The following GPR19 variants were observed in gnomAD, a reference collection of about 807,000 sequenced individuals.
GPR19 encodes the protein probable G protein-coupled receptor 19.
Under a neutral mutation model 28.5 loss-of-function variants are expected in GPR19, and 14 were observed. That is an observed-to-expected ratio of 0.49 (90% confidence interval 0.32 to 0.77). GPR19 has a LOEUF of 0.77. GPR19 is among the 30% of genes least tolerant of loss of function. The probability of loss-of-function intolerance (pLI) is 0.03; values close to 1 mark genes in which losing one functional copy is unlikely to be tolerated. For missense variants in GPR19, 409 were observed against 504.1 expected (o/e 0.81, Z 1.81); for synonymous variants, 173 against 184.1 (o/e 0.94, Z 0.49).
At chr12:12,683,733 C>T (rs1439665735) in intron 3 of GPR19, among the ~76,000 whole-genome samples, 1 of 152,208 alleles carries the variant, frequency 6.6e-6, no homozygotes, top group African/African-American at 2.4e-5. Flanking sequence ...AATTTGAGTT[C>T]ACGGCTGATT....
chr12:12,675,676 A>C (rs1945920730), intron 3 of GPR19, among the ~76,000 whole-genome samples: 2 of 152,164 alleles, frequency 1.3e-5, no homozygotes, highest in Admixed American at 6.5e-5. Flanking sequence ...TCTGAGATGC[A>C]GGGGCCCACA....
intron 3 of GPR19, among the ~76,000 whole-genome samples, chr12:12,678,265 ATTG>A (rs140523318): frequency 0.014 from 2,072 of 152,112 alleles, 37 homozygotes; most frequent in African/African-American, 0.048. Flanking sequence ...TGAAAAAAAT[ATTG>A]TTATGTATAT....
At chr12:12,701,023 T>C (rs2136343377), upstream of GPR19, among the ~76,000 whole-genome samples, 1 of 152,328 alleles carries the variant, frequency 6.6e-6, no homozygotes, top group East Asian at 1.9e-4. Context: ...CCCTTGAGGG[T>C]ATTAATTCCA....
intron 3 of GPR19, among the ~76,000 whole-genome samples, chr12:12,669,724 C>A (rs1488053295): frequency 6.6e-6 from 1 of 152,150 alleles, no homozygotes; most frequent in East Asian, 1.9e-4. Context: ...TAAACATTTA[C>A]CCGCACACCA....
At chr12:12,681,642 G>A (rs1382258050) in intron 3 of GPR19, among the ~76,000 whole-genome samples, 2 of 152,176 alleles carry the variant, frequency 1.3e-5, no homozygotes, top group Admixed American at 1.3e-4. Flanking sequence ...CTTCCGTCAG[G>A]GCTGTTGTCT....
At chr12:12,665,763 G>A (rs1945763957) in intron 3 of GPR19, among the ~76,000 whole-genome samples, 1 of 130,756 alleles carries the variant, frequency 7.6e-6, no homozygotes, top group South Asian at 2.6e-4. Context: ...CGTGAACCCG[G>A]GAGGCGGAGC....
intron 3 of GPR19, among the ~76,000 whole-genome samples, chr12:12,665,109 A>G (rs73279494): frequency 0.031 from 4,714 of 152,238 alleles, 251 homozygotes; most frequent in African/African-American, 0.11. Context: ...AAACTAAAAC[A>G]GACAATTTCC....
chr12:12,679,835 A>G (rs1945992070), intron 3 of GPR19, among the ~76,000 whole-genome samples: 1 of 152,190 alleles, frequency 6.6e-6, no homozygotes, highest in Non-Finnish European at 1.5e-5. Context: ...AAATTATTTT[A>G]CATGTTTGTG....
the GPR19 span, among the ~76,000 whole-genome samples, chr12:12,713,353 C>T: frequency 1.3e-5 from 2 of 152,134 alleles, no homozygotes; most frequent in Admixed American, 6.5e-5. Context: ...GCGTGAGCAC[C>T]GTGCCCAGCC....
At chr12:12,678,456 T>C (rs1357583296) in intron 3 of GPR19, among the ~76,000 whole-genome samples, 1 of 152,180 alleles carries the variant, frequency 6.6e-6, no homozygotes, top group Non-Finnish European at 1.5e-5. Context: ...GCTAAGGTGC[T>C]TGGCACAGAG....
the GPR19 span, chr12:12,715,698 A>C: frequency 6.6e-6 from 1 of 152,392 alleles, no homozygotes; most frequent in Non-Finnish European, 1.5e-5. Flanking sequence ...AAAGGAACAG[A>C]AAATGAACCA....
intron 3 of GPR19, among the ~76,000 whole-genome samples, chr12:12,672,406 A>G (rs1362150010): frequency 6.6e-6 from 1 of 152,162 alleles, no homozygotes; most frequent in Admixed American, 6.5e-5. Flanking sequence ...CTACATTCAC[A>G]CAAAATCTGA....
At chr12:12,700,307 C>T (rs12321383), upstream of GPR19, among the ~76,000 whole-genome samples, 38,848 of 151,848 alleles carry the variant, frequency 0.26, 5,169 homozygotes, top group African/African-American at 0.32. Flanking sequence ...TCCACCTCAG[C>T]CTCCCAAGAA....
At chr12:12,714,419 C>T in the GPR19 span, among the ~76,000 whole-genome samples, 1 of 152,162 alleles carries the variant, frequency 6.6e-6, no homozygotes, top group Non-Finnish European at 1.5e-5. Flanking sequence ...GCTCATTCAC[C>T]CCATCTGAAC....
chr12:12,688,157 T>C (rs1226012960), intron 2 of GPR19, among the ~76,000 whole-genome samples: 1 of 152,144 alleles, frequency 6.6e-6, no homozygotes, highest in African/African-American at 2.4e-5. Context: ...ATGTGTGTCC[T>C]TTTTCAGTGA....
At chr12:12,685,322 C>G (rs1799901233) in intron 2 of GPR19, among the ~76,000 whole-genome samples, 1 of 148,478 alleles carries the variant, frequency 6.7e-6, no homozygotes, top group Non-Finnish European at 1.5e-5. Context: ...TTACTGCATG[C>G]CCAAATATCT....
the GPR19 span, among the ~76,000 whole-genome samples, chr12:12,713,184 C>G: frequency 2.6e-5 from 4 of 151,512 alleles, no homozygotes; most frequent in South Asian, 8.4e-4. Flanking sequence ...CCTGCCTCAG[C>G]CTTCCGACTA....
chr12:12,713,026 A>G, the GPR19 span, among the ~76,000 whole-genome samples: 1 of 137,290 alleles, frequency 7.3e-6, no homozygotes, highest in Non-Finnish European at 1.6e-5. Context: ...AGCCCTACCT[A>G]TGCCTACCTG....
the GPR19 span, among the ~76,000 whole-genome samples, chr12:12,706,315 C>T: frequency 6.6e-6 from 1 of 152,220 alleles, no homozygotes; most frequent in African/African-American, 2.4e-5. Context: ...TCACCTCTCT[C>T]TTGGCTCTCC....
Sources: gnomAD v4.1 joint callset for allele counts (sites outside exome capture counted in the v4.1 genomes callset) on GRCh38, gnomAD v4.1.1 for gene constraint, MANE v1.5 for transcripts, NCBI Gene and HGNC (gene_info 2026-07-23, HGNC 2026-07-21) for gene names.